TLL2: variants seen among roughly 807,000 people sequenced by gnomAD.
TLL2 encodes the protein tolloid-like protein 2.
TLL2 carries 106 observed loss-of-function variants against 123.0 expected under a neutral mutation model. The ratio of observed to expected loss-of-function variants is 0.86; its 90% confidence interval spans 0.74 to 1.01. The LOEUF (loss-of-function observed/expected upper bound fraction) is 1.01. Ranked by LOEUF, TLL2 falls within the 50% of genes least tolerant of loss-of-function variation. TLL2 has a pLI of 0.00. For missense variants in TLL2, 1,332 were observed against 1,336.7 expected (o/e 1.00, Z 0.06); for synonymous variants, 494 against 516.8 (o/e 0.96, Z 0.60).
At chr10:96,392,398 T>TA (rs961038905) in intron 13 of TLL2, among the ~76,000 whole-genome samples, 11 of 150,052 alleles carry the variant, frequency 7.3e-5, no homozygotes, top group Admixed American at 4.6e-4. Context: ...GGACACATAC[T>TA]AAAAAAAAAT....
intron 11 of TLL2, 114 bp from the exon 12 acceptor site, chr10:96,396,134 C>T: frequency 1.6e-6 from 2 of 1,266,570 alleles, no homozygotes; most frequent in Non-Finnish European, 2.1e-6. Context: ...TGGCTCCGCT[C>T]ACCAACATTT....
In TLL2 at chr10:96,405,183, G is replaced by A. The variant is rs779464921; in HGVS notation, c.1267+49C>T. On this transcript the variant is annotated intron_variant, in intron 10 of 20. Coordinates refer to ENST00000357947, the MANE Select transcript of TLL2 (RefSeq NM_012465.4). ...ACCTTCCAGACATTAACAGCATCCCGGGGAACATCCCATCACTCCTCTCTT... is the reference window on the plus strand; with the variant it reads ...ACCTTCCAGACATTAACAGCATCCCAGGGAACATCCCATCACTCCTCTCTT... The A allele has an allele frequency of 1.2e-5, 18 of 1,550,954 alleles. No homozygotes were observed. In the Middle Eastern group the frequency reaches 5.0e-4, roughly 43 times the overall value.
chr10:96,485,832 C>T (rs55904470), intron 1 of TLL2, among the ~76,000 whole-genome samples: 56,491 of 152,074 alleles, frequency 0.37, 10,729 homozygotes, highest in Middle Eastern at 0.5. Context: ...CGGTTTCCCA[C>T]TTCCCTGAAG....
At chr10:96,441,137 G>T (rs532959657) in intron 3 of TLL2, among the ~76,000 whole-genome samples, 17 of 152,306 alleles carry the variant, frequency 1.1e-4, no homozygotes, top group Middle Eastern at 6.8e-3. Flanking sequence ...TCTATTTCCA[G>T]CTGAAGGCAC....
chr10:96,489,993 G>T (rs907617919), intron 1 of TLL2, among the ~76,000 whole-genome samples: 2 of 152,130 alleles, frequency 1.3e-5, no homozygotes, highest in Admixed American at 1.3e-4. Context: ...CTACTTGGGA[G>T]GCTGAGGCAG....
At chr10:96,483,277 C>A (rs1356754085) in intron 1 of TLL2, among the ~76,000 whole-genome samples, 4 of 152,192 alleles carry the variant, frequency 2.6e-5, no homozygotes, top group African/African-American at 9.7e-5. Flanking sequence ...AAAGGAAGGG[C>A]AGGACCTCCC....
chr10:96,370,836 T>A (rs1846075718), intron 19 of TLL2, among the ~76,000 whole-genome samples: 1 of 152,198 alleles, frequency 6.6e-6, no homozygotes, highest in African/African-American at 2.4e-5. Context: ...GGTTTTTGCA[T>A]TTGAGGGCAT....
At chr10:96,410,538 G>A (rs761957529) in intron 8 of TLL2, 64 bp from the exon 9 acceptor site, 89 of 1,313,238 alleles carry the variant, frequency 6.8e-5, no homozygotes, top group African/African-American at 2.5e-4. Flanking sequence ...AGCAGCTCCC[G>A]CACGGGGCAG....
chr10:96,498,692 T>C (rs1847503244), intron 1 of TLL2, among the ~76,000 whole-genome samples: 1 of 152,216 alleles, frequency 6.6e-6, no homozygotes, highest in Non-Finnish European at 1.5e-5. Flanking sequence ...AAATGGCAGC[T>C]CCCAAGAAGC....
At chr10:96,494,551 C>T (rs1029628311) in intron 1 of TLL2, among the ~76,000 whole-genome samples, 8 of 152,240 alleles carry the variant, frequency 5.3e-5, no homozygotes, top group African/African-American at 1.9e-4. Context: ...TCCTGATTTT[C>T]ATTTCTACAC....
chr10:96,412,224 G>A (rs945287125), intron 8 of TLL2, among the ~76,000 whole-genome samples: 2 of 152,106 alleles, frequency 1.3e-5, no homozygotes, highest in South Asian at 2.1e-4. Flanking sequence ...CAAGCCCCAC[G>A]CAGCCCTTTG....
chr10:96,403,646 G>C (rs376102095), intron 10 of TLL2, among the ~76,000 whole-genome samples: 64 of 152,290 alleles, frequency 4.2e-4, no homozygotes, highest in Middle Eastern at 6.8e-3. Flanking sequence ...ATATGGCCTC[G>C]TGGGATGAGA....
At chr10:96,497,870 C>T (rs928547289) in intron 1 of TLL2, among the ~76,000 whole-genome samples, 2 of 152,234 alleles carry the variant, frequency 1.3e-5, no homozygotes, top group Non-Finnish European at 2.9e-5. Context: ...AGATGGGATT[C>T]TGGCTGGTAA....
chr10:96,472,521 G>A (rs1378979039), intron 2 of TLL2, among the ~76,000 whole-genome samples: 1 of 152,116 alleles, frequency 6.6e-6, no homozygotes, highest in African/African-American at 2.4e-5. Context: ...CAATACTTTG[G>A]GAGGCTGAGG....
At position 96,422,619 on chromosome 10, in the gene TLL2, C is replaced by T; in HGVS notation, c.747G>A (p.Gly249=). ...IVAHELGHVV[G]FWHEHTRPDR... is the part of the protein sequence containing the mutation. ...CTGGCCGGGTGTGTTCATGCCAAAACCCAACCACATGGCCCAGCTCGTGAG... is the reference window on the plus strand; with the variant it reads ...CTGGCCGGGTGTGTTCATGCCAAAATCCAACCACATGGCCCAGCTCGTGAG... The change falls in exon 6 of 21, where the codon GGG becomes GGA. Residue 249 remains glycine (G), a synonymous_variant. Coordinates refer to ENST00000357947, the MANE Select transcript of TLL2 (RefSeq NM_012465.4). The T allele has an allele frequency of 6.2e-7, 1 of 1,614,158 alleles. No homozygotes were observed. The highest frequency in any genetic ancestry group is 8.5e-7 in the Non-Finnish European group (1 of 1,180,020).
Position 96,428,628 on chromosome 10 carries a change from TACCC to T in TLL2, c.637_638+2del, listed in dbSNP as rs1181472294. On this transcript the variant is annotated splice_donor_variant and coding_sequence_variant, in exon 5 of 21. Coordinates refer to ENST00000357947, the MANE Select transcript of TLL2 (RefSeq NM_012465.4). LOFTEE classifies it high-confidence loss of function. ...AGAGGTGGCCTCGCTTTCGTTTACT[TACCC>T]ACAGGTTCTGTAACTGAATACAATA... is the stretch of plus-strand genomic sequence containing the variant. 30 of 1,605,990 alleles carry T rather than the reference TACCC, an allele frequency of 1.9e-5. No individual in the cohort carries two copies. Among genetic ancestry groups the T allele is most frequent in the Non-Finnish European group, 2.6e-5 (30 of 1,173,566 alleles).
At chr10:96,420,901 C>A in intron 7 of TLL2, 55 bp downstream of exon 7, 2 of 1,547,810 alleles carry the variant, frequency 1.3e-6, no homozygotes, top group South Asian at 2.2e-5. Context: ...GAATCCAACC[C>A]AAGCCTGCCG....
At chr10:96,391,560 TC>T (rs1170440120) in intron 13 of TLL2, among the ~76,000 whole-genome samples, 1 of 152,174 alleles carries the variant, frequency 6.6e-6, no homozygotes, top group Non-Finnish European at 1.5e-5. Context: ...ATCCTACAGA[TC>T]CAGGTTCTAG....
intron 2 of TLL2, among the ~76,000 whole-genome samples, chr10:96,447,785 C>A (rs1846913344): frequency 6.6e-6 from 1 of 152,142 alleles, no homozygotes; most frequent in Admixed American, 6.5e-5. Context: ...CCCTTTAACC[C>A]TTATCAGAAC....
Sources: gnomAD v4.1 joint callset for allele counts (sites outside exome capture counted in the v4.1 genomes callset) on GRCh38, gnomAD v4.1.1 for gene constraint, MANE v1.5 for transcripts, NCBI Gene and HGNC (gene_info 2026-07-23, HGNC 2026-07-21) for gene names.